The following ABLIM1 variants were observed in gnomAD, a reference collection of about 807,000 sequenced individuals.
The protein encoded by ABLIM1 is actin binding LIM protein 1.
Under a neutral mutation model 107.0 loss-of-function variants are expected in ABLIM1, and 40 were observed. The observed-to-expected ratio is 0.37, with a 90% confidence interval of 0.29 to 0.49. The LOEUF is 0.49. Among genes scored for constraint, ABLIM1 ranks in the 20% least tolerant of loss-of-function variants. The pLI is 0.97. For missense variants in ABLIM1, 857 were observed against 1,008.5 expected (o/e 0.85, Z 2.04); for synonymous variants, 357 against 357.3 (o/e 1.00, Z 0.01).
chr10:114,696,318 G>A (rs1427929365), intron 1 of ABLIM1, among the ~76,000 whole-genome samples: 1 of 152,224 alleles, frequency 6.6e-6, no homozygotes, highest in Non-Finnish European at 1.5e-5. Flanking sequence ...AATGATGGCA[G>A]GTTTTGTTTC....
upstream of ABLIM1, among the ~76,000 whole-genome samples, chr10:114,658,936 A>G (rs192401493): frequency 2.6e-3 from 394 of 152,364 alleles, 3 homozygotes; most frequent in Admixed American, 3.5e-3. Flanking sequence ...ACAAGCTAGA[A>G]GGACCTTCAT....
chr10:114,610,108 G>A (rs781731926), intron 1 of ABLIM1, among the ~76,000 whole-genome samples: 22 of 152,160 alleles, frequency 1.4e-4, no homozygotes, highest in Non-Finnish European at 2.8e-4. Flanking sequence ...GCCCACCTGC[G>A]TCATCATTCC....
intron 6 of ABLIM1, among the ~76,000 whole-genome samples, chr10:114,510,716 T>C (rs568160402): frequency 6.6e-6 from 1 of 151,986 alleles, no homozygotes; most frequent in African/African-American, 2.4e-5. Context: ...AGTGATGCGA[T>C]CTTGGTTCAC....
chr10:114,678,981 C>T (rs1315077818), intron 1 of ABLIM1, among the ~76,000 whole-genome samples: 2 of 152,098 alleles, frequency 1.3e-5, no homozygotes, highest in East Asian at 3.9e-4. Flanking sequence ...TATATCCATG[C>T]CCTTTGCCAT....
the ABLIM1 span, among the ~76,000 whole-genome samples, chr10:114,775,067 G>T: frequency 6.6e-6 from 1 of 152,136 alleles, no homozygotes; most frequent in African/African-American, 2.4e-5. Flanking sequence ...TACAATCATG[G>T]AGGAAGGTGA....
intron 2 of ABLIM1, among the ~76,000 whole-genome samples, chr10:114,597,080 C>G (rs2075489210): frequency 6.6e-6 from 1 of 152,204 alleles, no homozygotes; most frequent in African/African-American, 2.4e-5. Flanking sequence ...GCTCCCCACC[C>G]AAAATCCTCT....
intron 12 of ABLIM1, among the ~76,000 whole-genome samples, chr10:114,457,316 C>A (rs2063012744): frequency 6.6e-6 from 1 of 152,024 alleles, no homozygotes. Context: ...GTTGCCCAGG[C>A]TGTAGTGCAG....
chr10:114,567,711 G>T (rs1484529930), intron 4 of ABLIM1, among the ~76,000 whole-genome samples: 1 of 152,220 alleles, frequency 6.6e-6, no homozygotes, highest in Admixed American at 6.5e-5. Context: ...CCTATCTGCT[G>T]TCTTCCCCTC....
At chr10:114,609,583 T>C (rs1007928657) in intron 1 of ABLIM1, among the ~76,000 whole-genome samples, 2 of 152,242 alleles carry the variant, frequency 1.3e-5, no homozygotes, top group Non-Finnish European at 2.9e-5. Flanking sequence ...ATGTCTGAAA[T>C]AGTTCTGATA....
At chr10:114,791,504 G>A in the ABLIM1 span, among the ~76,000 whole-genome samples, 1 of 152,050 alleles carries the variant, frequency 6.6e-6, no homozygotes, top group South Asian at 2.1e-4. Flanking sequence ...CGGGCGTGGT[G>A]GTGGACGCCT....
chr10:114,570,359 G>A (rs552833641), intron 4 of ABLIM1, among the ~76,000 whole-genome samples: 32 of 152,252 alleles, frequency 2.1e-4, no homozygotes, highest in Non-Finnish European at 3.7e-4. Context: ...GATTCTGACA[G>A]GTCAGACAAG....
chr10:114,708,672 A>G (rs559500900), intron 1 of ABLIM1, among the ~76,000 whole-genome samples: 6 of 152,232 alleles, frequency 3.9e-5, no homozygotes, highest in Non-Finnish European at 8.8e-5. Context: ...CAAAGTTAAG[A>G]AAGAGGAAAG....
At chr10:114,648,738 G>A (rs540549842) in intron 1 of ABLIM1, among the ~76,000 whole-genome samples, 64 of 152,276 alleles carry the variant, frequency 4.2e-4, no homozygotes, top group Non-Finnish European at 7.4e-4. Flanking sequence ...CAAGCACTGC[G>A]TTATAGTCTG....
intron 10 of ABLIM1, among the ~76,000 whole-genome samples, chr10:114,470,796 G>T (rs1272068972): frequency 1.3e-5 from 2 of 152,116 alleles, no homozygotes; most frequent in African/African-American, 2.4e-5. Context: ...GGAGATTGAG[G>T]TATATAATTT....
the ABLIM1 span, among the ~76,000 whole-genome samples, chr10:114,795,189 G>A: frequency 6.6e-6 from 1 of 152,060 alleles, no homozygotes; most frequent in Admixed American, 6.6e-5. Context: ...CATACAAATG[G>A]TAGCGTCTAT....
intron 4 of ABLIM1, among the ~76,000 whole-genome samples, chr10:114,559,447 A>C (rs1214045846): frequency 7.3e-6 from 1 of 136,364 alleles, no homozygotes; most frequent in Non-Finnish European, 1.5e-5. Context: ...TCAAAAAAAA[A>C]AAAAAAAAAA....
chr10:114,512,574 C>T (rs182072003), intron 6 of ABLIM1, among the ~76,000 whole-genome samples: 74 of 137,972 alleles, frequency 5.4e-4, no homozygotes, highest in Admixed American at 2.4e-3. Flanking sequence ...CCTGTAATCC[C>T]AGCACTTTAG....
chr10:114,644,364 A>C (rs1206342843), intron 1 of ABLIM1, among the ~76,000 whole-genome samples: 1 of 144,742 alleles, frequency 6.9e-6, no homozygotes, highest in Non-Finnish European at 1.5e-5. Flanking sequence ...ATATATATAC[A>C]CACACACATT....
At chr10:114,636,173 G>A (rs1396221998) in intron 1 of ABLIM1, among the ~76,000 whole-genome samples, 1 of 152,200 alleles carries the variant, frequency 6.6e-6, no homozygotes, top group African/African-American at 2.4e-5. Context: ...GAAGAGTAAG[G>A]AGGTACGTAA....
Sources: gnomAD v4.1 joint callset for allele counts (sites outside exome capture counted in the v4.1 genomes callset) on GRCh38, gnomAD v4.1.1 for gene constraint, MANE v1.5 for transcripts, NCBI Gene and HGNC (gene_info 2026-07-23, HGNC 2026-07-21) for gene names.